Variants in IGSF9B observed in about 807,000 individuals in gnomAD.
IGSF9B encodes protein turtle homolog B.
Under a neutral mutation model 143.7 loss-of-function variants are expected in IGSF9B, and 48 were observed. The ratio of observed to expected loss-of-function variants is 0.33; its 90% CI spans 0.26 to 0.42. The LOEUF (loss-of-function observed/expected upper bound fraction) is 0.42, where lower values mean the gene tolerates loss of function less well. Ranked by LOEUF, IGSF9B falls within the 20% of genes least tolerant of loss-of-function variation. The probability of loss-of-function intolerance (pLI) is 1.00; values close to 1 mark genes in which losing one functional copy is unlikely to be tolerated. For missense variants in IGSF9B, 1,706 were observed against 1,980.0 expected (o/e 0.86, Z 2.63); for synonymous variants, 903 against 833.1 (o/e 1.08, Z -1.44).
chr11:133,912,602 C>G (rs1939318406), intron 18 of IGSF9B, among the ~76,000 whole-genome samples: 1 of 152,162 alleles, frequency 6.6e-6, no homozygotes, highest in Non-Finnish European at 1.5e-5. Flanking sequence ...TGTCATATAC[C>G]AACATTTTCA....
chr11:133,920,796 C>CCCCAG lies in IGSF9B; in HGVS notation c.2924_2928dup (p.Glu977LeufsTer18). 2 of 1,608,734 alleles carry CCCCAG rather than the reference C, an allele frequency of 1.2e-6. No homozygotes were observed. The highest frequency in any genetic ancestry group is 2.7e-5 in the African/African-American group (2 of 74,978). ...ACGTAGAACGGGGGCGGCTCCACCT[C>CCCCAG]CCCAGGGCTGCTGCTGCTGAGGTAC... On this transcript the variant is annotated frameshift_variant, in exon 18 of 20. Transcript: ENST00000533871. LOFTEE classifies it high-confidence loss of function.
At chr11:133,938,066 T>C (rs1206125740) in intron 3 of IGSF9B, 105 bp from the exon 4 acceptor site, 8 of 1,281,584 alleles carry the variant, frequency 6.2e-6, no homozygotes, top group Non-Finnish European at 8.7e-6. Context: ...CTCTGCGGAA[T>C]GCAAGGACAA....
chr11:133,930,539 C>T (rs963712072), intron 11 of IGSF9B, among the ~76,000 whole-genome samples: 1 of 152,194 alleles, frequency 6.6e-6, no homozygotes, highest in Non-Finnish European at 1.5e-5. Flanking sequence ...AACGCCCAGA[C>T]ACAGAACCCC....
intron 3 of IGSF9B, among the ~76,000 whole-genome samples, chr11:133,943,451 A>C (rs1320289080): frequency 1.3e-5 from 2 of 151,630 alleles, no homozygotes; most frequent in Non-Finnish European, 2.9e-5. Context: ...CTCCAGGGAG[A>C]CCCCGAGGAC....
intron 18 of IGSF9B, among the ~76,000 whole-genome samples, chr11:133,914,218 T>A (rs1031736064): frequency 2.6e-5 from 4 of 152,130 alleles, no homozygotes; most frequent in Non-Finnish European, 5.9e-5. Context: ...AATGCCCCCA[T>A]TTTTCAGATG....
chr11:133,917,230 G>A (rs1591709269), intron 18 of IGSF9B, among the ~76,000 whole-genome samples: 4 of 152,318 alleles, frequency 2.6e-5, no homozygotes, highest in African/African-American at 4.8e-5. Flanking sequence ...GGTCCGTGGC[G>A]AGCGGCAGCA....
chr11:133,927,151 A>G lies in IGSF9B; in HGVS notation c.1632-60T>C. On this transcript the variant is annotated intron_variant, in intron 12 of 19. Coordinates refer to ENST00000533871, the MANE Select transcript of IGSF9B (RefSeq NM_001277285.4). ...GGGCGGGGTGGGTCACACTGGAGAGAAGAGGGTGCATGCAGGGTGCTCAGG... is the reference window on the plus strand; with the variant it reads ...GGGCGGGGTGGGTCACACTGGAGAGGAGAGGGTGCATGCAGGGTGCTCAGG... 4 of 1,382,228 alleles carry G rather than the reference A, an allele frequency of 2.9e-6. No individual in the cohort carries two copies. In the East Asian group the frequency reaches 1.0e-4, roughly 35 times the overall value. The allele number at this position is 1,382,228 out of a possible 1,614,324, so 85.6% of individuals were successfully genotyped here.
At position 133,932,224 on chromosome 11, in the gene IGSF9B, G is replaced by A. The variant is rs1388529704; in HGVS notation, c.968-11C>T. On this transcript the variant is annotated splice_polypyrimidine_tract_variant and intron_variant, in intron 7 of 19. Transcript: ENST00000533871. ...GGACACGCGCTGGGTCTGCATAGAG[G>A]AAGCGCAGGTGAGAGAGCAGACAGA... 6.4e-7 allele frequency: 1 copy of A among 1,550,744 alleles called. No individual in the cohort carries two copies. Among genetic ancestry groups the A allele is most frequent in the Admixed American group, 2.0e-5 (1 of 50,960 alleles).
At chr11:133,956,546 C>A in intron 1 of IGSF9B, 145 bp downstream of exon 1, 1 of 512,354 alleles carries the variant, frequency 2.0e-6, no homozygotes, top group South Asian at 2.8e-5. Flanking sequence ...GCCTGGCCCG[C>A]GTCGGAGCCC....
Position 133,931,759 on chromosome 11 carries a change from G to T in IGSF9B, c.1147C>A (p.Arg383=). Residue 383 remains arginine, a synonymous_variant, in exon 9 of 20, where the codon CGA becomes AGA. Transcript: ENST00000533871. The surrounding 1 kb of genome is among the most constrained non-coding windows in gnomAD (Gnocchi z 7.7). ...GWTLMEDGSI[R]IEEATEEALG... ...GCCTCCTCTGTGGCCTCCTCAATTCGAATGGAGCCATCCTCCATCAGGGTC... is the reference window on the plus strand; with the variant it reads ...GCCTCCTCTGTGGCCTCCTCAATTCTAATGGAGCCATCCTCCATCAGGGTC... 1 of 1,612,044 alleles carries T rather than the reference G, an allele frequency of 6.2e-7. No individual in the cohort carries two copies. Among genetic ancestry groups the T allele is most frequent in the Admixed American group, 1.7e-5 (1 of 59,496 alleles).
chr11:133,932,383 GAC>G (rs1194130412), intron 7 of IGSF9B, among the ~76,000 whole-genome samples, 170 bp from the exon 8 acceptor site: 2 of 146,604 alleles, frequency 1.4e-5, no homozygotes, highest in Admixed American at 6.8e-5. Context: ...CACGGGGACA[GAC>G]AGACAGACAC....
rs775569217 is a variant in IGSF9B at position 133,922,234 on chromosome 11, G to A, written c.2282-12C>T. ...GGAGAGTGGAGGGTCTGGAAGGAAA[G>A]AGAAGGGGAGAGGCTGCTGAGGCCA... On this transcript the variant is annotated splice_polypyrimidine_tract_variant and intron_variant, in intron 16 of 19. Transcript: ENST00000533871. 5.0e-6 allele frequency: 8 copies of A among 1,611,162 alleles called. No individual in the cohort carries two copies. The highest frequency in any genetic ancestry group is 4.0e-5 in the African/African-American group (3 of 74,908).
At position 133,920,420 on chromosome 11, in the gene IGSF9B, C is replaced by A; in HGVS notation, c.3305G>T (p.Gly1102Val). The change falls in exon 18 of 20, where the codon GGT becomes GTT. Residue 1102 changes from glycine to valine, a missense_variant. By Grantham distance (109) the Gly-to-Val change is moderately radical. Transcript: ENST00000533871. Reference sequence around the variant, plus strand: ...CCTGCCGGGCGACTTGCCTGCCCAACCCTTCGGTGCCTCCAGAGACAGGAT... The same window carrying A: ...CCTGCCGGGCGACTTGCCTGCCCAAACCTTCGGTGCCTCCAGAGACAGGAT... ...PGILSLEAPK[G>V]WAGKSPGRGP... 6.3e-7 allele frequency: 1 copy of A among 1,583,122 alleles called. No homozygotes were observed. Among genetic ancestry groups the A allele is most frequent in the South Asian group, 1.1e-5 (1 of 87,060 alleles).
At chr11:133,910,855 T>C (rs1471906930) in intron 19 of IGSF9B, among the ~76,000 whole-genome samples, 1 of 151,968 alleles carries the variant, frequency 6.6e-6, no homozygotes, top group Admixed American at 6.5e-5. Context: ...TTAAATGGGT[T>C]AACAATGGGC....
chr11:133,927,699 G>A (rs1174351109), intron 12 of IGSF9B, among the ~76,000 whole-genome samples: 1 of 152,168 alleles, frequency 6.6e-6, no homozygotes, highest in Non-Finnish European at 1.5e-5. Flanking sequence ...GTAGGAAGAC[G>A]GGCCGAGGGT....
chr11:133,903,550 A>C lies in IGSF9B; in HGVS notation c.*5519T>G, dbSNP rs1304260286. On this transcript the variant is annotated 3_prime_UTR_variant, in exon 20 of 20. Coordinates refer to ENST00000533871, the MANE Select transcript of IGSF9B (RefSeq NM_001277285.4). ...ACTCTTCCTTCTCTAAGATGTGAGC[A>C]GCCATTAATGACCCCTGTATGGATG... 6.6e-6 allele frequency among the ~76,000 whole-genome samples: 1 copy of C among 152,238 alleles called. No homozygotes were observed. The highest frequency in any genetic ancestry group is 1.5e-5 in the Non-Finnish European group (1 of 68,038).
At chr11:133,955,581 G>A (rs1940236507) in intron 1 of IGSF9B, among the ~76,000 whole-genome samples, 1 of 152,170 alleles carries the variant, frequency 6.6e-6, no homozygotes, top group Non-Finnish European at 1.5e-5. Context: ...GTTCTCTCCC[G>A]CCGCCATCTC....
intron 3 of IGSF9B, among the ~76,000 whole-genome samples, chr11:133,941,286 C>G (rs529604513): frequency 6.6e-6 from 1 of 152,204 alleles, no homozygotes; most frequent in African/African-American, 2.4e-5. Flanking sequence ...AATTCACCAA[C>G]CTAAAGGAAG....
Position 133,921,026 on chromosome 11 carries a change from A to T in IGSF9B, c.2699T>A (p.Leu900Gln). 1 of 1,613,538 alleles carries T rather than the reference A, an allele frequency of 6.2e-7. No homozygotes were observed. ...RQSDEENEDP[L>Q]VPTSVAALKS... The stretch of plus-strand genomic sequence containing the variant: ...CAGGGCGGCCACAGATGTGGGCACC[A>T]GTGGGTCCTCGTTCTCCTCGTCCGA... The change falls in exon 18 of 20, where the codon CTG (leucine) becomes CAG (glutamine). Residue 900 changes from leucine (L) to glutamine (Q), a missense_variant. By Grantham distance (113) the Leu-to-Gln change is moderately radical. Around this residue, in one of 7 missense-constraint regions of IGSF9B, gnomAD observed 880 missense variants for 762.9 expected, o/e 1.15. Transcript: ENST00000533871.
Sources: gnomAD v4.1 joint callset for allele counts (sites outside exome capture counted in the v4.1 genomes callset) on GRCh38, gnomAD v4.1.1 for gene constraint, gnomAD v4.1.1 regional missense constraint, Gnocchi (gnomAD v3.1) non-coding constraint, MANE v1.5 for transcripts, NCBI Gene and HGNC (gene_info 2026-07-23, HGNC 2026-07-21) for gene names.